Variants in WWOX observed in about 807,000 individuals in gnomAD.
WWOX encodes the protein WW domain-containing oxidoreductase.
WWOX carries 69 observed loss-of-function variants against 46.2 expected under a neutral mutation model. That is an observed-to-expected ratio of 1.49 (90% CI 1.23 to 1.82). The LOEUF (loss-of-function observed/expected upper bound fraction) is 1.82. WWOX is among the 40% of genes most tolerant of loss of function. WWOX has a pLI of 0.00. For synonymous variants in WWOX, 359 were observed against 202.6 expected (o/e 1.77, Z -6.56); for missense variants, 919 against 542.6 (o/e 1.69, Z -6.89).
intron 8 of WWOX, among the ~76,000 whole-genome samples, chr16:78,689,444 AC>A (rs1393839180): frequency 6.6e-6 from 1 of 152,096 alleles, no homozygotes; most frequent in African/African-American, 2.4e-5. Flanking sequence ...CCTTGACCAA[AC>A]TTTAGCTCAG....
intron 8 of WWOX, among the ~76,000 whole-genome samples, chr16:78,954,137 A>G (rs1162437001): frequency 6.6e-6 from 1 of 152,194 alleles, no homozygotes; most frequent in Non-Finnish European, 1.5e-5. Flanking sequence ...GATCTGCCAT[A>G]AAAATGTCTG....
intron 5 of WWOX, among the ~76,000 whole-genome samples, chr16:78,275,193 C>T (rs961586600): frequency 7.9e-5 from 12 of 152,160 alleles, no homozygotes. Flanking sequence ...AGCCTGCAGG[C>T]ATGTGTTTGC....
chr16:78,724,100 G>T (rs1328136885), intron 8 of WWOX, among the ~76,000 whole-genome samples: 3 of 152,150 alleles, frequency 2.0e-5, no homozygotes, highest in African/African-American at 7.2e-5. Flanking sequence ...AAAAATTCAG[G>T]ATGTGCAGGA....
chr16:78,640,748 G>T (rs533595893), intron 8 of WWOX, among the ~76,000 whole-genome samples: 2 of 152,156 alleles, frequency 1.3e-5, no homozygotes, highest in African/African-American at 2.4e-5. Flanking sequence ...ATACCAGCCT[G>T]GGCAACACGG....
intron 8 of WWOX, among the ~76,000 whole-genome samples, chr16:79,059,183 G>C (rs2048317272): frequency 6.6e-6 from 1 of 152,228 alleles, no homozygotes. Flanking sequence ...GTGTTTGCAA[G>C]AAATGGATTT....
intron 8 of WWOX, among the ~76,000 whole-genome samples, chr16:78,863,728 A>G (rs532039271): frequency 2.0e-5 from 3 of 152,360 alleles, no homozygotes; most frequent in South Asian, 2.1e-4. Context: ...AAACAAATGA[A>G]TAAATTAATG....
At chr16:78,634,847 T>A (rs912376470) in intron 8 of WWOX, among the ~76,000 whole-genome samples, 3,697 of 131,116 alleles carry the variant, frequency 0.028, 50 homozygotes, top group Middle Eastern at 0.055. Flanking sequence ...AGTGTGTGTG[T>A]GTGTGTGTGT....
chr16:78,218,036 T>A (rs2036779224), intron 5 of WWOX, among the ~76,000 whole-genome samples: 1 of 152,132 alleles, frequency 6.6e-6, no homozygotes, highest in African/African-American at 2.4e-5. Context: ...TCTCCCTCCC[T>A]GTGCTTGCCT....
intron 8 of WWOX, among the ~76,000 whole-genome samples, chr16:78,862,312 G>C (rs140174977): frequency 1.7e-3 from 260 of 150,702 alleles, no homozygotes; most frequent in South Asian, 3.8e-3. Context: ...ACACCTATGG[G>C]TGTGTCTTTC....
intron 5 of WWOX, among the ~76,000 whole-genome samples, chr16:78,245,502 C>G (rs2037789609): frequency 6.6e-6 from 1 of 152,194 alleles, no homozygotes; most frequent in Non-Finnish European, 1.5e-5. Flanking sequence ...GCACCTTGAG[C>G]TTGGCTTCAG....
intron 8 of WWOX, among the ~76,000 whole-genome samples, chr16:78,920,791 T>C (rs2045360405): frequency 6.6e-6 from 1 of 152,190 alleles, no homozygotes; most frequent in African/African-American, 2.4e-5. Context: ...ACGCTGAGCA[T>C]GAAAATAAAA....
intron 8 of WWOX, among the ~76,000 whole-genome samples, chr16:78,467,907 G>A (rs6564563): frequency 2.0e-5 from 3 of 152,212 alleles, no homozygotes; most frequent in Non-Finnish European, 4.4e-5. Flanking sequence ...ATACTGATCA[G>A]CCTGGCTTCT....
At chr16:78,936,433 C>G (rs2045738977) in intron 8 of WWOX, among the ~76,000 whole-genome samples, 1 of 152,110 alleles carries the variant, frequency 6.6e-6, no homozygotes, top group Non-Finnish European at 1.5e-5. Flanking sequence ...CTCTCTAGAG[C>G]TCTTTTCTCT....
intron 1 of WWOX, among the ~76,000 whole-genome samples, chr16:78,101,274 C>T (rs971014015): frequency 1.3e-5 from 2 of 150,732 alleles, no homozygotes; most frequent in Non-Finnish European, 3.0e-5. Flanking sequence ...GTCTCGATCT[C>T]CTGACCTCGT....
At chr16:78,490,127 G>GA (rs33971021) in intron 8 of WWOX, among the ~76,000 whole-genome samples, 94,780 of 140,004 alleles carry the variant, frequency 0.68, 32,771 homozygotes, top group East Asian at 0.84. Context: ...TCAGATTGGG[G>GA]AAAAAATTTT....
At chr16:78,699,849 C>G (rs2048175485) in intron 8 of WWOX, among the ~76,000 whole-genome samples, 1 of 152,080 alleles carries the variant, frequency 6.6e-6, no homozygotes, top group South Asian at 2.1e-4. Context: ...CAGGGTATTT[C>G]TCTTTGTAGC....
chr16:78,819,105 G>T (rs2051422939), intron 8 of WWOX, among the ~76,000 whole-genome samples: 1 of 152,172 alleles, frequency 6.6e-6, no homozygotes, highest in Non-Finnish European at 1.5e-5. Flanking sequence ...CCACAGAAAA[G>T]CGTTCACTCT....
intron 8 of WWOX, among the ~76,000 whole-genome samples, chr16:78,953,644 C>T (rs1567434285): frequency 6.6e-6 from 1 of 152,162 alleles, no homozygotes. Flanking sequence ...ACTTCAAAAC[C>T]TCTTATTGAG....
At chr16:78,372,802 T>C (rs1379403378) in intron 5 of WWOX, among the ~76,000 whole-genome samples, 2 of 152,228 alleles carry the variant, frequency 1.3e-5, no homozygotes, top group East Asian at 3.8e-4. Context: ...ACACCAGTCT[T>C]TCCTAGACTT....
Sources: gnomAD v4.1 joint callset for allele counts (sites outside exome capture counted in the v4.1 genomes callset) on GRCh38, gnomAD v4.1.1 for gene constraint, MANE v1.5 for transcripts, NCBI Gene and HGNC (gene_info 2026-07-23, HGNC 2026-07-21) for gene names.